Variants in CDK14 observed in about 807,000 individuals in gnomAD.
CDK14 encodes cyclin-dependent kinase 14.
In CDK14, 34 loss-of-function variants were observed where a neutral mutation model predicts 60.7. That is an observed-to-expected ratio of 0.56 (90% CI 0.43 to 0.75). The LOEUF (loss-of-function observed/expected upper bound fraction) is 0.75. CDK14 is among the 30% of genes least tolerant of loss of function. The pLI is 0.00. For missense variants in CDK14, 482 were observed against 564.1 expected, an observed-to-expected ratio of 0.85 and a Z score of 1.47; for synonymous variants, 197 against 203.7, an observed-to-expected ratio of 0.97 and a Z score of 0.28.
At position 90,729,344 on chromosome 7, in the gene CDK14, G is replaced by GTTTTTTTTTTTTTT. The variant is rs1237046149; in HGVS notation, c.369+2546_369+2559dup. The stretch of plus-strand genomic sequence containing the variant: ...TGCCTTGGATCATGTAGGTATCAAG[G>GTTTTTTTTTTTTTT]TTTTTTTTTTTTTTTTTTTTTTTTT... On this transcript the variant is annotated intron_variant, in intron 3 of 14. Coordinates refer to ENST00000380050, the MANE Select transcript of CDK14 (RefSeq NM_001287135.2). 3.5e-4 allele frequency among the ~76,000 whole-genome samples: 16 copies of GTTTTTTTTTTTTTT among 45,214 alleles called. 3 individuals are homozygous for GTTTTTTTTTTTTTT. The highest frequency in any genetic ancestry group is 6.2e-4 in the African/African-American group (7 of 11,366). The allele number at this position is 45,214 out of a possible 152,430, so 29.7% of individuals were successfully genotyped here. A position where few individuals can be genotyped will look rare whatever the true frequency, so the allele number is the denominator to read the frequency against.
At chr7:90,600,848 C>T (rs964758745) in intron 1 of CDK14, among the ~76,000 whole-genome samples, 1 of 152,220 alleles carries the variant, frequency 6.6e-6, no homozygotes, top group Non-Finnish European at 1.5e-5. Context: ...CTCCTTTTGC[C>T]ATTGAGGTAG....
intron 4 of CDK14, among the ~76,000 whole-genome samples, chr7:90,768,751 CTAAT>C (rs1804668520): frequency 6.6e-6 from 1 of 152,120 alleles, no homozygotes; most frequent in South Asian, 2.1e-4. Context: ...GTTCAGCTGA[CTAAT>C]TAGTGGTCTG....
chr7:90,692,106 G>A (rs17772764), intron 2 of CDK14, among the ~76,000 whole-genome samples: 24,324 of 152,162 alleles, frequency 0.16, 2,061 homozygotes, highest in African/African-American at 0.18. Flanking sequence ...TCCAATCTGC[G>A]AAATACATAT....
intron 2 of CDK14, among the ~76,000 whole-genome samples, chr7:90,717,858 G>A (rs1802306969): frequency 6.6e-6 from 1 of 152,010 alleles, no homozygotes; most frequent in Admixed American, 6.6e-5. Context: ...GATATGGTTT[G>A]TGTGCTCAAG....
At chr7:90,667,901 G>T (rs1013770880) in intron 2 of CDK14, among the ~76,000 whole-genome samples, 12 of 152,122 alleles carry the variant, frequency 7.9e-5, no homozygotes, top group African/African-American at 1.9e-4. Context: ...ATATTCCGTG[G>T]TAGGGATAGA....
At chr7:91,177,588 A>G (rs898708210) in intron 14 of CDK14, among the ~76,000 whole-genome samples, 6 of 152,162 alleles carry the variant, frequency 3.9e-5, no homozygotes, top group African/African-American at 1.4e-4. Flanking sequence ...AATCTCCTTA[A>G]GCTGATAAGC....
At chr7:91,161,739 G>A (rs886548950) in intron 14 of CDK14, among the ~76,000 whole-genome samples, 5 of 152,078 alleles carry the variant, frequency 3.3e-5, no homozygotes. Context: ...TAAAATCTAA[G>A]AAATGATTGC....
chr7:90,737,083 G>A (rs1803148290), intron 3 of CDK14, among the ~76,000 whole-genome samples: 1 of 152,128 alleles, frequency 6.6e-6, no homozygotes, highest in South Asian at 2.1e-4. Flanking sequence ...CCTAGGACTA[G>A]TTCCTGTGTG....
At chr7:91,007,697 G>A (rs1796019215) in intron 10 of CDK14, among the ~76,000 whole-genome samples, 1 of 151,988 alleles carries the variant, frequency 6.6e-6, no homozygotes, top group Admixed American at 6.5e-5. Context: ...GAATGAAAAA[G>A]CCTTCCAGCT....
chr7:91,072,149 C>G (rs1798166440), intron 11 of CDK14, among the ~76,000 whole-genome samples: 1 of 152,176 alleles, frequency 6.6e-6, no homozygotes, highest in African/African-American at 2.4e-5. Flanking sequence ...CGGCACACCC[C>G]CTCCACCAAG....
intron 5 of CDK14, among the ~76,000 whole-genome samples, chr7:90,832,188 T>C (rs1291998063): frequency 6.6e-6 from 1 of 152,218 alleles, no homozygotes; most frequent in Non-Finnish European, 1.5e-5. Flanking sequence ...GGCATTGTTA[T>C]GTATGTGTAT....
chr7:91,136,795 A>T (rs1800292054), intron 14 of CDK14, among the ~76,000 whole-genome samples: 1 of 152,182 alleles, frequency 6.6e-6, no homozygotes, highest in Non-Finnish European at 1.5e-5. Flanking sequence ...AAAAGACCCT[A>T]TACAAATGCA....
Position 90,726,750 on chromosome 7 carries a change from T to A in CDK14, c.307T>A (p.Phe103Ile). The part of the protein sequence containing the change: ...VHSENNACIN[F>I]KTSSTGKESP... ...TTCTGAGAACAATGCTTGCATTAAC[T>A]TTAAGACCTCCTCCACTGGCAAAGA... Residue 103 changes from phenylalanine (F) to isoleucine (I), a missense_variant, in exon 3 of 15, where the codon TTT (phenylalanine) becomes ATT (isoleucine). Coordinates refer to ENST00000380050, the MANE Select transcript of CDK14 (RefSeq NM_001287135.2). 1.9e-6 allele frequency: 3 copies of A among 1,613,796 alleles called. No homozygotes were observed. Among genetic ancestry groups the A allele is most frequent in the Non-Finnish European group, 1.7e-6 (2 of 1,179,814 alleles).
At chr7:90,920,509 G>A (rs1584124807) in intron 8 of CDK14, among the ~76,000 whole-genome samples, 1 of 152,196 alleles carries the variant, frequency 6.6e-6, no homozygotes, top group African/African-American at 2.4e-5. Context: ...AGAGAGATGA[G>A]ATTCAGAGAG....
intron 2 of CDK14, among the ~76,000 whole-genome samples, chr7:90,723,266 A>G (rs1349290983): frequency 2.0e-5 from 3 of 152,228 alleles, no homozygotes; most frequent in African/African-American, 7.2e-5. Context: ...ATAACTTAAC[A>G]TCTTAAAACA....
intron 2 of CDK14, among the ~76,000 whole-genome samples, chr7:90,683,459 G>A (rs1299639938): frequency 6.6e-6 from 1 of 152,136 alleles, no homozygotes; most frequent in Non-Finnish European, 1.5e-5. Flanking sequence ...TTGTGCTTCA[G>A]CATTTCCCCA....
intron 4 of CDK14, among the ~76,000 whole-genome samples, chr7:90,757,256 G>GTGTGTC (rs1554330399): frequency 0.011 from 1,674 of 147,196 alleles, 14 homozygotes; most frequent in Non-Finnish European, 0.016. Context: ...GTGTGTCTGT[G>GTGTGTC]TGTGTCTGTG....
chr7:91,034,945 T>TACACAC lies in CDK14; in HGVS notation c.1042-10924_1042-10919dup, dbSNP rs35003949. Among the ~76,000 whole-genome samples the TACACAC allele has an allele frequency of 9.3e-3, 1,364 of 146,056 alleles. 18 individuals are homozygous for TACACAC. Among genetic ancestry groups the TACACAC allele is most frequent in the Middle Eastern group, 0.035 (10 of 286 alleles). Reference sequence around the variant, plus strand: ...GTGTACACACACACACACATACACATACACACACACACACACACACACACA... The same window carrying TACACAC: ...GTGTACACACACACACACATACACATACACACACACACACACACACACACACACACA... On this transcript the variant is annotated intron_variant, in intron 10 of 14. Coordinates refer to ENST00000380050, the MANE Select transcript of CDK14 (RefSeq NM_001287135.2).
chr7:90,980,589 T>C (rs1236944095), intron 9 of CDK14, among the ~76,000 whole-genome samples: 2 of 152,174 alleles, frequency 1.3e-5, no homozygotes, highest in African/African-American at 4.8e-5. Context: ...TAATAAGGAA[T>C]TCTGTTATAT....
Sources: allele counts gnomAD v4.1 joint callset (sites outside exome capture counted in the v4.1 genomes callset), GRCh38; gene constraint gnomAD v4.1.1; transcripts MANE v1.5; gene names NCBI Gene and HGNC (gene_info 2026-07-23, HGNC 2026-07-21).